CAMK2D: variants seen among roughly 807,000 people sequenced by gnomAD.
CAMK2D encodes the protein calcium/calmodulin-dependent protein kinase type II subunit delta.
A neutral mutation model predicts 84.0 loss-of-function variants in CAMK2D; 37 were observed. The observed-to-expected ratio is 0.44, with a 90% CI of 0.34 to 0.58. The LOEUF is 0.58. Ranked by LOEUF, CAMK2D falls within the 20% of genes least tolerant of loss-of-function variation. The pLI, the probability that CAMK2D is intolerant of heterozygous loss-of-function variation, is 0.02. For missense variants in CAMK2D, 448 were observed against 652.5 expected, an observed-to-expected ratio of 0.69 and a Z score of 3.41; for synonymous variants, 202 against 212.5, an observed-to-expected ratio of 0.95 and a Z score of 0.43.
At position 113,464,367 on chromosome 4, in the gene CAMK2D, T is replaced by C. The variant is rs1589720917; in HGVS notation, c.1211+1162A>G. ...AAAAATTAAATTTTGATATATGTTT[T>C]GCAAATGTTTTTCTAAGTTTGTCTC... is the stretch of plus-strand genomic sequence containing the variant. On this transcript the variant is annotated intron_variant, in intron 17 of 20. Coordinates refer to ENST00000511664, the MANE Select transcript of CAMK2D (RefSeq NM_001321571.2). 2.0e-5 allele frequency among the ~76,000 whole-genome samples: 3 copies of C among 152,380 alleles called. No individual in the cohort carries two copies. In the East Asian group the frequency reaches 5.8e-4, roughly 29 times the overall value.
intron 3 of CAMK2D, among the ~76,000 whole-genome samples, chr4:113,634,606 CTCAT>C (rs2099102889): frequency 6.6e-6 from 1 of 152,170 alleles, no homozygotes; most frequent in Non-Finnish European, 1.5e-5. Flanking sequence ...AAATAAGATA[CTCAT>C]TCAGTGTCTG....
intron 2 of CAMK2D, among the ~76,000 whole-genome samples, chr4:113,675,651 GA>G (rs1350628484): frequency 5.4e-5 from 8 of 147,100 alleles, no homozygotes; most frequent in South Asian, 2.1e-4. Flanking sequence ...ATCTCTGAAA[GA>G]AAAAAAAAAC....
chr4:113,540,049 T>C (rs748101087), intron 6 of CAMK2D, among the ~76,000 whole-genome samples: 1 of 152,172 alleles, frequency 6.6e-6, no homozygotes, highest in Non-Finnish European at 1.5e-5. Context: ...GTTTGGTATA[T>C]ATTAGTTTGA....
intron 4 of CAMK2D, among the ~76,000 whole-genome samples, chr4:113,607,273 C>T (rs1055600698): frequency 7.2e-5 from 11 of 152,132 alleles, no homozygotes; most frequent in Admixed American, 2.0e-4. Context: ...GATGAAACTA[C>T]GGCCACATGA....
chr4:113,673,980 G>T (rs866601038), intron 2 of CAMK2D, among the ~76,000 whole-genome samples: 1 of 107,254 alleles, frequency 9.3e-6, no homozygotes, highest in African/African-American at 4.2e-5. Flanking sequence ...TAGATGGTTA[G>T]AATTCTGATT....
intron 2 of CAMK2D, among the ~76,000 whole-genome samples, chr4:113,668,595 T>C (rs1215260712): frequency 6.6e-6 from 1 of 152,180 alleles, no homozygotes; most frequent in Non-Finnish European, 1.5e-5. Context: ...TTATTTTACA[T>C]GTATCCTATT....
In CAMK2D at chr4:113,537,428, A is replaced by G. The variant is rs1268707724; in HGVS notation, c.430T>C (p.Leu144=). ...GCTGCTCCCTTGGATTTGCTAGCTAAAAGCAAATTCTCAGGCTTTATTTAG... is the reference window on the plus strand; with the variant it reads ...GCTGCTCCCTTGGATTTGCTAGCTAGAAGCAAATTCTCAGGCTTTATTTAG... ...HRDLKPENLL[L]ASKSKGAAVK... Residue 144 remains leucine, a synonymous_variant, in exon 7 of 21, where the codon TTA becomes CTA. Coordinates refer to ENST00000511664, the MANE Select transcript of CAMK2D (RefSeq NM_001321571.2). 3 of 1,604,640 alleles carry G rather than the reference A, an allele frequency of 1.9e-6. No homozygotes were observed. In the Admixed American group the frequency reaches 5.0e-5, roughly 27 times the overall value.
intron 2 of CAMK2D, among the ~76,000 whole-genome samples, chr4:113,718,672 T>C (rs537709951): frequency 6.6e-6 from 1 of 152,358 alleles, no homozygotes; most frequent in South Asian, 2.1e-4. Context: ...TGTTTTCATC[T>C]TTGTTTCACA....
At chr4:113,749,359 C>T (rs530327136) in intron 2 of CAMK2D, among the ~76,000 whole-genome samples, 10 of 147,466 alleles carry the variant, frequency 6.8e-5, no homozygotes, top group African/African-American at 2.5e-4. Context: ...TTTAAAGAGC[C>T]TTCCAATACA....
chr4:113,761,382 T>G lies in CAMK2D; in HGVS notation c.-314A>C. On this transcript the variant is annotated 5_prime_UTR_variant, in exon 1 of 21. Transcript: ENST00000511664. ...CTGTCCCCAAATGCAGGGGGTAAAG[T>G]ACTCAAGAAGAGGGGGCCGGGAAAT... is the stretch of plus-strand genomic sequence containing the variant. 1 of 1,296,944 alleles carries G rather than the reference T, an allele frequency of 7.7e-7. No individual in the cohort carries two copies. Among genetic ancestry groups the G allele is most frequent in the Non-Finnish European group, 9.9e-7 (1 of 1,013,916 alleles). 80.3% of individuals were successfully genotyped at this position (1,296,944 alleles called of 1,614,324 possible). A position where few individuals can be genotyped will look rare whatever the true frequency, so the allele number is the denominator to read the frequency against.
At chr4:113,740,594 C>G (rs2099590660) in intron 2 of CAMK2D, among the ~76,000 whole-genome samples, 1 of 152,016 alleles carries the variant, frequency 6.6e-6, no homozygotes, top group South Asian at 2.1e-4. Context: ...GTATACTCTA[C>G]TTTTCCCCTT....
chr4:113,474,244 AT>A (rs1373096597), intron 16 of CAMK2D, among the ~76,000 whole-genome samples: 2 of 152,310 alleles, frequency 1.3e-5, no homozygotes, highest in East Asian at 3.9e-4. Flanking sequence ...GAAGAAAAAG[AT>A]TTTAAGAAAC....
chr4:113,742,515 AAAC>A (rs776836199), intron 2 of CAMK2D, among the ~76,000 whole-genome samples: 23 of 152,176 alleles, frequency 1.5e-4, no homozygotes, highest in Non-Finnish European at 3.1e-4. Context: ...TAAAAAGAAA[AAAC>A]AACATCAAAC....
intron 3 of CAMK2D, among the ~76,000 whole-genome samples, chr4:113,614,962 T>G (rs574348267): frequency 6.6e-6 from 1 of 152,192 alleles, no homozygotes; most frequent in Non-Finnish European, 1.5e-5. Flanking sequence ...GAGTAATTCA[T>G]ACAGAACAGA....
chr4:113,498,156 G>C (rs932859202), intron 16 of CAMK2D, among the ~76,000 whole-genome samples: 1 of 152,152 alleles, frequency 6.6e-6, no homozygotes, highest in Non-Finnish European at 1.5e-5. Flanking sequence ...GCTACTGAGA[G>C]CCACAGCAAT....
chr4:113,567,212 G>A (rs866232311), intron 4 of CAMK2D, among the ~76,000 whole-genome samples: 1 of 143,734 alleles, frequency 7.0e-6, no homozygotes, highest in African/African-American at 2.6e-5. Flanking sequence ...CTGTCACCCA[G>A]GCTGTAGCAC....
intron 3 of CAMK2D, among the ~76,000 whole-genome samples, chr4:113,641,440 T>C (rs1592348623): frequency 6.6e-6 from 1 of 152,202 alleles, no homozygotes; most frequent in East Asian, 1.9e-4. Context: ...TTGAGAAAAT[T>C]AAATAAGATA....
At chr4:113,598,425 ACT>A (rs1164979794) in intron 4 of CAMK2D, among the ~76,000 whole-genome samples, 2 of 152,130 alleles carry the variant, frequency 1.3e-5, no homozygotes, top group African/African-American at 4.8e-5. Context: ...AAAACACAAA[ACT>A]CTAAAACTTC....
chr4:113,616,531 T>C (rs1231392294), intron 3 of CAMK2D, among the ~76,000 whole-genome samples: 1 of 152,216 alleles, frequency 6.6e-6, no homozygotes, highest in African/African-American at 2.4e-5. Flanking sequence ...GGGTTTCTGA[T>C]GGGTCAAAAT....
Sources: gnomAD v4.1 joint callset for allele counts (sites outside exome capture counted in the v4.1 genomes callset) on GRCh38, gnomAD v4.1.1 for gene constraint, MANE v1.5 for transcripts, NCBI Gene and HGNC (gene_info 2026-07-23, HGNC 2026-07-21) for gene names.